Variants in DPY19L1 observed in about 807,000 individuals in gnomAD.
DPY19L1 encodes protein C-mannosyl-transferase DPY19L1.
DPY19L1 carries 35 observed loss-of-function variants against 96.9 expected under a neutral mutation model. That is an observed-to-expected ratio of 0.36 (90% CI 0.28 to 0.48). DPY19L1 has a LOEUF of 0.48. Among genes scored for constraint, DPY19L1 ranks in the 20% least tolerant of loss-of-function variants. The pLI, the probability that DPY19L1 is intolerant of heterozygous loss-of-function variation, is 0.99. For missense variants in DPY19L1, 521 were observed against 777.9 expected (o/e 0.67, Z 3.93); for synonymous variants, 205 against 252.6 (o/e 0.81, Z 1.79).
At chr7:34,996,477 C>G (rs1334544011) in intron 6 of DPY19L1, among the ~76,000 whole-genome samples, 1 of 152,176 alleles carries the variant, frequency 6.6e-6, no homozygotes, top group Non-Finnish European at 1.5e-5. Flanking sequence ...ATATCACTCT[C>G]CTCTGAACAA....
intron 7 of DPY19L1, among the ~76,000 whole-genome samples, chr7:34,984,537 T>A (rs898476264): frequency 2.0e-5 from 3 of 152,200 alleles, no homozygotes; most frequent in Admixed American, 2.0e-4. Context: ...ACTTTTCTAT[T>A]GTAGATTGCT....
At chr7:34,949,541 T>A (rs1784226458) in intron 14 of DPY19L1, among the ~76,000 whole-genome samples, 1 of 152,216 alleles carries the variant, frequency 6.6e-6, no homozygotes, top group African/African-American at 2.4e-5. Flanking sequence ...CAACTTGAAA[T>A]GCCTCTGTGT....
At chr7:34,988,064 T>C (rs1009964842) in intron 7 of DPY19L1, 2 of 152,092 alleles carry the variant, frequency 1.3e-5, no homozygotes, top group Admixed American at 1.3e-4. Flanking sequence ...GAAAAGCCAG[T>C]TGAATAGTCT....
chr7:35,004,088 G>C (rs1328928115), intron 6 of DPY19L1, among the ~76,000 whole-genome samples: 2 of 152,114 alleles, frequency 1.3e-5, no homozygotes, highest in African/African-American at 2.4e-5. Flanking sequence ...CCTTTTGATG[G>C]GGGTGAGACA....
chr7:34,947,498 A>C lies in DPY19L1; in HGVS notation c.1494+132T>G. ...TGTCTATCAAAAGCTATCATTAAGA[A>C]AACATAGAATATGTTACAGTAAGCC... On this transcript the variant is annotated intron_variant, in intron 15 of 21. Transcript: ENST00000638088. 4.6e-6 allele frequency: 3 copies of C among 656,770 alleles called. No homozygotes were observed. In the South Asian group the frequency reaches 6.0e-5, roughly 13 times the overall value. 40.7% of individuals were successfully genotyped at this position (656,770 alleles called of 1,614,324 possible). A position where few individuals can be genotyped will look rare whatever the true frequency, so the allele number is the denominator to read the frequency against.
chr7:34,940,716 A>G (rs976379610), intron 18 of DPY19L1: 1 of 170,168 alleles, frequency 5.9e-6, no homozygotes, highest in Non-Finnish European at 1.4e-5. Context: ...TGTGACCAGC[A>G]GGAACCCCAC....
rs1324598239 is a variant in DPY19L1 at position 34,944,392 on chromosome 7, T to TA, written c.1544+1274dup. Among the ~76,000 whole-genome samples, 70 of 129,188 alleles carry TA rather than the reference T, an allele frequency of 5.4e-4. 1 individual carries two copies. Among genetic ancestry groups the TA allele is most frequent in the African/African-American group, 1.8e-3 (62 of 35,014 alleles). 84.8% of individuals were successfully genotyped at this position (129,188 alleles called of 152,430 possible). The stretch of plus-strand genomic sequence containing the variant: ...AAAAAAAAAAAAAAAAAAGAAAAAT[T>TA]AAAAAAAAGAAAATATAGATACATA... On this transcript the variant is annotated intron_variant, in intron 16 of 21. Transcript: ENST00000638088.
chr7:35,017,516 A>C (rs1417252203), intron 3 of DPY19L1, among the ~76,000 whole-genome samples: 21 of 114,560 alleles, frequency 1.8e-4, no homozygotes, highest in African/African-American at 5.1e-4. Flanking sequence ...AAAAAAAAAA[A>C]AAAAAATTAG....
rs748370528 is a variant in DPY19L1, at chr7:34,931,756, A to T, written c.2091-27T>A. ...TAGAAAAATGAATGTACATGTTAAA[A>T]ATCAATATGCATTATATAACTGCAG... is the stretch of plus-strand genomic sequence containing the variant. On this transcript the variant is annotated intron_variant, in intron 21 of 21. Transcript: ENST00000638088. The T allele has an allele frequency of 2.3e-5, 36 of 1,574,962 alleles. No individual in the cohort carries two copies. In the South Asian group the frequency reaches 4.1e-4, roughly 18 times the overall value.
chr7:34,942,034 A>C, intron 17 of DPY19L1, 150 bp from the exon 18 acceptor site: 1 of 841,986 alleles, frequency 1.2e-6, no homozygotes, highest in South Asian at 2.0e-5. Flanking sequence ...CTTAAAATTC[A>C]CTTTCAAACT....
intron 7 of DPY19L1, among the ~76,000 whole-genome samples, chr7:34,981,353 G>GA (rs925766945): frequency 1.1e-4 from 17 of 152,162 alleles, no homozygotes; most frequent in African/African-American, 4.1e-4. Flanking sequence ...GGCAGAATTA[G>GA]AAAATTACCA....
intron 1 of DPY19L1, among the ~76,000 whole-genome samples, chr7:35,030,813 G>A (rs1222696433): frequency 6.6e-6 from 1 of 152,150 alleles, no homozygotes; most frequent in African/African-American, 2.4e-5. Flanking sequence ...ATTCTTGACT[G>A]AATTATGAAA....
Position 34,949,529 on chromosome 7 carries a change from G to A in DPY19L1, c.1422+268C>T, listed in dbSNP as rs141496681. Reference sequence around the variant, plus strand: ...TAAATTAATGCTATCACTGAAAAATGGCAACTTGAAATGCCTCTGTGTTTA... The same window carrying A: ...TAAATTAATGCTATCACTGAAAAATAGCAACTTGAAATGCCTCTGTGTTTA... On this transcript the variant is annotated intron_variant, in intron 14 of 21. Transcript: ENST00000638088. 2.8e-4 allele frequency among the ~76,000 whole-genome samples: 42 copies of A among 152,282 alleles called. No individual in the cohort carries two copies. The East Asian group carries it at 7.5e-3, about 27-fold the overall frequency.
intron 6 of DPY19L1, among the ~76,000 whole-genome samples, chr7:34,999,990 G>A (rs1463721903): frequency 6.6e-6 from 1 of 152,158 alleles, no homozygotes; most frequent in Admixed American, 6.5e-5. Context: ...GAAGACAGAT[G>A]GGGCAAGGGA....
intron 7 of DPY19L1, among the ~76,000 whole-genome samples, chr7:34,989,313 T>C (rs1307626920): frequency 5.3e-5 from 8 of 152,160 alleles, no homozygotes. Context: ...TTTAAAATTA[T>C]ACAAACAATT....
chr7:34,936,107 A>T (rs139886329), intron 21 of DPY19L1, among the ~76,000 whole-genome samples: 1 of 152,300 alleles, frequency 6.6e-6, no homozygotes, highest in South Asian at 2.1e-4. Flanking sequence ...AATCCAGCAC[A>T]CCCTCTTCTG....
chr7:34,934,530 A>G (rs529301628), intron 21 of DPY19L1, among the ~76,000 whole-genome samples: 36 of 152,318 alleles, frequency 2.4e-4, no homozygotes, highest in Admixed American at 2.4e-3. Flanking sequence ...AGTCTTGTGC[A>G]GAGCTCCCTT....
intron 13 of DPY19L1, among the ~76,000 whole-genome samples, chr7:34,951,722 G>C (rs1784270380): frequency 6.6e-6 from 1 of 151,508 alleles, no homozygotes; most frequent in Admixed American, 6.6e-5. Flanking sequence ...TAAAACCAAA[G>C]AGGACTAAAA....
Position 34,999,895 on chromosome 7 carries a change from G to A in DPY19L1, c.765-9954C>T, listed in dbSNP as rs144242276. 3.7e-3 allele frequency among the ~76,000 whole-genome samples: 559 copies of A among 152,138 alleles called. 7 individuals are homozygous for A. The highest frequency in any genetic ancestry group is 0.013 in the African/African-American group (541 of 41,482). On this transcript the variant is annotated intron_variant, in intron 6 of 21. Coordinates refer to ENST00000638088, the MANE Select transcript of DPY19L1 (RefSeq NM_001366673.1). Reference sequence around the variant, plus strand: ...TTTACAGTCATAATAATGTAACTGCGGACTATGGTTTTACGTATCAGAATT... The same window carrying A: ...TTTACAGTCATAATAATGTAACTGCAGACTATGGTTTTACGTATCAGAATT...
Sources: gnomAD v4.1 joint callset for allele counts (sites outside exome capture counted in the v4.1 genomes callset) on GRCh38, gnomAD v4.1.1 for gene constraint, MANE v1.5 for transcripts, NCBI Gene and HGNC (gene_info 2026-07-23, HGNC 2026-07-21) for gene names.